SPMIP2: variants seen among roughly 807,000 people sequenced by gnomAD.
The protein encoded by SPMIP2 is sperm microtubule inner protein 2, also known as protein SPMIP2.
chr4:158,963,961 C>G, the SPMIP2 span, among the ~76,000 whole-genome samples: 1 of 152,016 alleles, frequency 6.6e-6, no homozygotes, highest in African/African-American at 2.4e-5. Context: ...CAAGACCATC[C>G]TGGCTGATAC....
the SPMIP2 span, among the ~76,000 whole-genome samples, chr4:158,955,009 A>G: frequency 3.3e-5 from 5 of 152,146 alleles, no homozygotes; most frequent in Admixed American, 1.3e-4. Flanking sequence ...GAAACACCCA[A>G]TTGCAAACAG....
the SPMIP2 span, among the ~76,000 whole-genome samples, chr4:158,979,779 A>G: frequency 7.5e-6 from 1 of 133,662 alleles, no homozygotes; most frequent in South Asian, 2.5e-4. Flanking sequence ...CCACTGAGCT[A>G]GTTGCAAGAG....
the SPMIP2 span, among the ~76,000 whole-genome samples, chr4:158,986,444 T>C: frequency 6.6e-6 from 1 of 152,200 alleles, no homozygotes; most frequent in East Asian, 1.9e-4. Context: ...GAGATATAGA[T>C]CAATGGAACA....
At chr4:158,899,778 T>C in the SPMIP2 span, among the ~76,000 whole-genome samples, 2 of 152,212 alleles carry the variant, frequency 1.3e-5, no homozygotes, top group African/African-American at 4.8e-5. Flanking sequence ...TCTATTTTGT[T>C]GATCTTTTCA....
the SPMIP2 span, among the ~76,000 whole-genome samples, chr4:159,068,699 T>G: frequency 0.021 from 3,044 of 146,324 alleles, 110 homozygotes; most frequent in South Asian, 0.11. Flanking sequence ...AATAAAAAAA[T>G]AAAAAAAAGA....
chr4:158,972,747 C>CA, the SPMIP2 span, among the ~76,000 whole-genome samples: 1 of 152,230 alleles, frequency 6.6e-6, no homozygotes, highest in African/African-American at 2.4e-5. Flanking sequence ...TCTTTCTTTC[C>CA]ATCGTCCACG....
chr4:158,988,235 T>C, the SPMIP2 span, among the ~76,000 whole-genome samples: 1 of 152,158 alleles, frequency 6.6e-6, no homozygotes, highest in Admixed American at 6.6e-5. Flanking sequence ...AGTTCTGAAA[T>C]TGAGGCAGTA....
chr4:158,960,885 T>C, the SPMIP2 span, among the ~76,000 whole-genome samples: 1 of 151,886 alleles, frequency 6.6e-6, no homozygotes, highest in African/African-American at 2.4e-5. Flanking sequence ...TAAAAAGTAA[T>C]TCCCACCCAC....
At chr4:158,897,321 T>C in the SPMIP2 span, among the ~76,000 whole-genome samples, 6 of 152,248 alleles carry the variant, frequency 3.9e-5, no homozygotes, top group African/African-American at 1.4e-4. Context: ...TGTGTCTTTA[T>C]AGTAGAATGA....
chr4:158,959,932 A>G, the SPMIP2 span, among the ~76,000 whole-genome samples: 1 of 152,160 alleles, frequency 6.6e-6, no homozygotes, highest in Admixed American at 6.5e-5. Flanking sequence ...TTTAATCTGA[A>G]AAAAATTAAT....
the SPMIP2 span, among the ~76,000 whole-genome samples, chr4:159,029,852 G>C: frequency 2.0e-5 from 3 of 152,112 alleles, no homozygotes; most frequent in Admixed American, 2.0e-4. Context: ...AATGCTAATG[G>C]ACAAGTTTTT....
chr4:158,986,100 C>G, the SPMIP2 span, among the ~76,000 whole-genome samples: 4 of 150,828 alleles, frequency 2.7e-5, no homozygotes, highest in Non-Finnish European at 4.4e-5. Context: ...CCTCTTCAAG[C>G]AGAACTACAA....
chr4:158,969,026 G>A, the SPMIP2 span, among the ~76,000 whole-genome samples: 1 of 151,786 alleles, frequency 6.6e-6, no homozygotes, highest in South Asian at 2.1e-4. Flanking sequence ...ACCTCATATA[G>A]TTTTTAAAAT....
the SPMIP2 span, among the ~76,000 whole-genome samples, chr4:159,082,449 C>CTCTGTGTG: frequency 3.1e-3 from 347 of 111,656 alleles, no homozygotes; most frequent in South Asian, 0.016. Flanking sequence ...CCACTTTTCT[C>CTCTGTGTG]TGTGTGTGTG....
the SPMIP2 span, among the ~76,000 whole-genome samples, chr4:159,016,240 A>C: frequency 6.6e-6 from 1 of 152,236 alleles, no homozygotes. Context: ...AATCTCTATT[A>C]ATCAGACCAT....
chr4:159,004,999 G>A, the SPMIP2 span, among the ~76,000 whole-genome samples: 2 of 151,910 alleles, frequency 1.3e-5, no homozygotes, highest in Non-Finnish European at 2.9e-5. Flanking sequence ...TTGGGAGGTC[G>A]AGGCAAGCGG....
the SPMIP2 span, among the ~76,000 whole-genome samples, chr4:158,997,244 T>A: frequency 6.6e-6 from 1 of 151,842 alleles, no homozygotes; most frequent in Non-Finnish European, 1.5e-5. Flanking sequence ...TTTTTTTTTT[T>A]TTTGAGATGA....
the SPMIP2 span, among the ~76,000 whole-genome samples, chr4:159,060,946 G>A: frequency 1.3e-5 from 2 of 151,928 alleles, no homozygotes; most frequent in African/African-American, 4.8e-5. Flanking sequence ...TTAGCTGGCT[G>A]TGGTTGCATG....
At chr4:158,993,345 C>A in the SPMIP2 span, among the ~76,000 whole-genome samples, 4 of 150,390 alleles carry the variant, frequency 2.7e-5, no homozygotes, top group Non-Finnish European at 5.9e-5. Flanking sequence ...CCAGCCTGGG[C>A]AACAGAGTGA....
Sources: allele counts gnomAD v4.1 joint callset (sites outside exome capture counted in the v4.1 genomes callset), GRCh38; gene constraint gnomAD v4.1.1; transcripts MANE v1.5; gene names NCBI Gene and HGNC (gene_info 2026-07-23, HGNC 2026-07-21).